Variants in TRPM7 observed in about 807,000 individuals in gnomAD.
The protein encoded by TRPM7 is transient receptor potential cation channel subfamily M member 7.
A neutral mutation model predicts 229.7 loss-of-function variants in TRPM7; 134 were observed. The observed-to-expected ratio is 0.58, with a 90% CI of 0.51 to 0.67. TRPM7 has a LOEUF of 0.67. Ranked by LOEUF, TRPM7 falls within the 30% of genes least tolerant of loss-of-function variation. The pLI is 0.00. For missense variants in TRPM7, 1,901 were observed against 2,210.0 expected (o/e 0.86, Z 2.80); for synonymous variants, 699 against 715.2 (o/e 0.98, Z 0.36).
chr15:50,669,383 C>T (rs2061944028), intron 1 of TRPM7, among the ~76,000 whole-genome samples: 1 of 151,774 alleles, frequency 6.6e-6, no homozygotes, highest in South Asian at 2.1e-4. Context: ...TGCAGTGAGC[C>T]GAGGTCATGC....
intron 1 of TRPM7, among the ~76,000 whole-genome samples, chr15:50,675,049 A>C (rs1029522287): frequency 2.0e-5 from 3 of 152,194 alleles, no homozygotes; most frequent in Non-Finnish European, 2.9e-5. Context: ...GCATGTTTCA[A>C]GAAAATCTCC....
At chr15:50,650,473 T>C (rs539831718) in intron 3 of TRPM7, among the ~76,000 whole-genome samples, 27 of 152,072 alleles carry the variant, frequency 1.8e-4, no homozygotes, top group Admixed American at 1.7e-3. Context: ...GGTGGATGGA[T>C]CACCTGAGGT....
At chr15:50,658,104 A>T (rs2061627632) in intron 2 of TRPM7, among the ~76,000 whole-genome samples, 1 of 149,882 alleles carries the variant, frequency 6.7e-6, no homozygotes, top group African/African-American at 2.5e-5. Context: ...TCCCGGGTTC[A>T]CACCACTCTC....
At chr15:50,667,984 CAGT>C (rs961973838) in intron 1 of TRPM7, among the ~76,000 whole-genome samples, 52 of 152,274 alleles carry the variant, frequency 3.4e-4, no homozygotes, top group African/African-American at 1.2e-3. Context: ...ACCTTATCAG[CAGT>C]AATTATGATT....
At chr15:50,679,397 C>T (rs2062177501) in intron 1 of TRPM7, among the ~76,000 whole-genome samples, 1 of 146,828 alleles carries the variant, frequency 6.8e-6, no homozygotes, top group Admixed American at 6.8e-5. Flanking sequence ...CCATATCAAC[C>T]CATTATCTAT....
chr15:50,633,860 G>A (rs991561182), intron 8 of TRPM7, among the ~76,000 whole-genome samples: 3 of 152,168 alleles, frequency 2.0e-5, no homozygotes, highest in African/African-American at 7.2e-5. Context: ...ACAAAACTGT[G>A]TTCCATGAAG....
At chr15:50,611,487 T>C (rs939296101) in intron 16 of TRPM7, among the ~76,000 whole-genome samples, 166 bp from the exon 17 acceptor site, 1 of 152,204 alleles carries the variant, frequency 6.6e-6, no homozygotes, top group Non-Finnish European at 1.5e-5. Context: ...TACATCTATG[T>C]GGAAATCACA....
intron 21 of TRPM7, among the ~76,000 whole-genome samples, chr15:50,600,777 G>C (rs1025694198): frequency 6.6e-5 from 10 of 152,236 alleles, no homozygotes; most frequent in Admixed American, 5.2e-4. Flanking sequence ...AAGTTGTATA[G>C]ATAGCTGCGA....
At position 50,592,021 on chromosome 15, in the gene TRPM7, G is replaced by A; in HGVS notation, c.4214C>T (p.Thr1405Ile). 1 of 1,613,462 alleles carries A rather than the reference G, an allele frequency of 6.2e-7. No individual in the cohort carries two copies. Among genetic ancestry groups the A allele is most frequent in the Non-Finnish European group, 8.5e-7 (1 of 1,179,776 alleles). The change falls in exon 26 of 39, where the codon ACA becomes ATA. Residue 1405 changes from threonine (T) to isoleucine (I), a missense_variant. Thr to Ile is a moderately conservative substitution (Grantham distance 89). This residue lies in a region of TRPM7 where 533 missense variants were observed against 497.1 expected (regional missense o/e 1.07). Transcript: ENST00000646667. Reference sequence around the variant, plus strand: ...GCTTTTGCAACTTGGCTGAGATGGTGTACTAACAAAAAATTTGGTTGGTGG... The same window carrying A: ...GCTTTTGCAACTTGGCTGAGATGGTATACTAACAAAAAATTTGGTTGGTGG... The part of the protein sequence containing the change: ...SSPPTKFFVS[T>I]PSQPSCKSHL...
chr15:50,622,391 C>T (rs933300390), intron 12 of TRPM7, among the ~76,000 whole-genome samples: 2 of 152,224 alleles, frequency 1.3e-5, no homozygotes, highest in African/African-American at 4.8e-5. Flanking sequence ...ATTATCTTAA[C>T]ACCTTTGAGT....
At chr15:50,634,674 A>G in intron 7 of TRPM7, 118 bp from the exon 8 acceptor site, 2 of 735,106 alleles carry the variant, frequency 2.7e-6, no homozygotes, top group Non-Finnish European at 3.9e-6. Flanking sequence ...AAAAAAATTA[A>G]AAAGTAAAAA....
rs1470486449 is a variant in TRPM7 at position 50,619,738 on chromosome 15, C to G, written c.1494+7G>C. ...ACATTTTTCAAAAGCAAAAAATAATCTCTTACCTGTTTGACGTCTCGAACA... is the reference window on the plus strand; with the variant it reads ...ACATTTTTCAAAAGCAAAAAATAATGTCTTACCTGTTTGACGTCTCGAACA... On this transcript the variant is annotated splice_region_variant and intron_variant, in intron 13 of 38. Coordinates refer to ENST00000646667, the MANE Select transcript of TRPM7 (RefSeq NM_017672.6). 6.3e-7 allele frequency: 1 copy of G among 1,581,820 alleles called. No homozygotes were observed.
intron 1 of TRPM7, among the ~76,000 whole-genome samples, chr15:50,684,261 T>C (rs566133334): frequency 6.6e-6 from 1 of 151,582 alleles, no homozygotes; most frequent in East Asian, 2.0e-4. Flanking sequence ...CAAGCGATTC[T>C]CCTGCCTTAG....
At chr15:50,568,283 T>C (rs979649810) in intron 38 of TRPM7, among the ~76,000 whole-genome samples, 1 of 151,512 alleles carries the variant, frequency 6.6e-6, no homozygotes, top group Non-Finnish European at 1.5e-5. Flanking sequence ...ACTCATTCTA[T>C]ACTGTGCTGG....
chr15:50,599,232 C>T lies in TRPM7; in HGVS notation c.3053G>A (p.Arg1018Lys). The change falls in exon 22 of 39, where the codon AGA (arginine) becomes AAA (lysine). Residue 1018 changes from arginine to lysine, a missense_variant. Transcript: ENST00000646667. Reference sequence around the variant, plus strand: ...TTCATGAGGATAAAGTATTGCCTTTCTGGGAACACCAAAACTAAGTAATAC... The same window carrying T: ...TTCATGAGGATAAAGTATTGCCTTTTTGGGAACACCAAAACTAAGTAATAC... ...ALVLLSFGVP[R>K]KAILYPHEAP... 6.2e-7 allele frequency: 1 copy of T among 1,613,172 alleles called. No homozygotes were observed. Among genetic ancestry groups the T allele is most frequent in the Non-Finnish European group, 8.5e-7 (1 of 1,179,374 alleles).
intron 25 of TRPM7, 93 bp from the exon 26 acceptor site, chr15:50,592,719 A>T: frequency 2.4e-6 from 2 of 832,576 alleles, no homozygotes. Flanking sequence ...AAAAGAGAAA[A>T]ATTTCACATG....
intron 1 of TRPM7, among the ~76,000 whole-genome samples, chr15:50,686,244 C>G (rs1284690762): frequency 1.3e-5 from 2 of 152,228 alleles, no homozygotes; most frequent in African/African-American, 4.8e-5. Context: ...CCAGGTAGTC[C>G]CGGGCTCGCG....
intron 1 of TRPM7, among the ~76,000 whole-genome samples, chr15:50,671,087 T>C (rs1249585972): frequency 1.3e-5 from 2 of 152,198 alleles, no homozygotes; most frequent in African/African-American, 4.8e-5. Flanking sequence ...AATATACTCT[T>C]AGTATTTTTC....
chr15:50,679,538 A>ATAATATATATATATATATATATTTTT (rs1400383980), intron 1 of TRPM7, among the ~76,000 whole-genome samples: 1 of 43,904 alleles, frequency 2.3e-5, no homozygotes, highest in Non-Finnish European at 3.8e-5. Context: ...ATATATATAT[A>ATAATATATATATATATATATATTTTT]TTTTTTTTTT....
Sources: gnomAD v4.1 joint callset for allele counts (sites outside exome capture counted in the v4.1 genomes callset) on GRCh38, gnomAD v4.1.1 for gene constraint, gnomAD v4.1.1 regional missense constraint, MANE v1.5 for transcripts, NCBI Gene and HGNC (gene_info 2026-07-23, HGNC 2026-07-21) for gene names.